Variants in GTF3C1 observed in about 807,000 individuals in gnomAD.
GTF3C1 encodes general transcription factor 3C polypeptide 1.
In GTF3C1, 57 loss-of-function variants were observed where a neutral mutation model predicts 226.7. The ratio of observed to expected loss-of-function variants is 0.25; its 90% CI spans 0.20 to 0.31. GTF3C1 has a LOEUF of 0.31. Among genes scored for constraint, GTF3C1 ranks in the 10% least tolerant of loss-of-function variants. The pLI, the probability that GTF3C1 is intolerant of heterozygous loss-of-function variation, is 1.00. For synonymous variants in GTF3C1, 1,090 were observed against 1,084.8 expected, an observed-to-expected ratio of 1.00 and a Z score of -0.09; for missense variants, 2,217 against 2,776.1, an observed-to-expected ratio of 0.80 and a Z score of 4.53.
intron 6 of GTF3C1, among the ~76,000 whole-genome samples, chr16:27,515,940 C>T (rs1478967713): frequency 6.6e-6 from 1 of 152,218 alleles, no homozygotes; most frequent in Admixed American, 6.5e-5. Context: ...AGCTCCATTT[C>T]ACAGATGCGG....
At chr16:27,546,923 C>T (rs2089172693) in intron 1 of GTF3C1, among the ~76,000 whole-genome samples, 1 of 152,232 alleles carries the variant, frequency 6.6e-6, no homozygotes, top group Non-Finnish European at 1.5e-5. Flanking sequence ...CCTGCCACCA[C>T]ACCCAGCTAA....
intron 6 of GTF3C1, among the ~76,000 whole-genome samples, chr16:27,523,582 A>G (rs17788742): frequency 0.016 from 2,443 of 152,250 alleles, 32 homozygotes; most frequent in Non-Finnish European, 0.022. Context: ...CACGGAAAGT[A>G]ACTGAAGCGG....
Position 27,463,627 on chromosome 16 carries a change from A to C in GTF3C1, c.5873-35T>G. 1.5e-6 allele frequency: 2 copies of C among 1,324,750 alleles called. No individual in the cohort carries two copies. Among genetic ancestry groups the C allele is most frequent in the Admixed American group, 3.4e-5 (2 of 59,598 alleles). The allele number at this position is 1,324,750 out of a possible 1,614,324, so 82.1% of individuals were successfully genotyped here. Reference sequence around the variant, plus strand: ...GAGGAAGAGAATGTGAGAGACTCGGAAAGTCAGGGAAGCCATCTCTGCCCT... The same window carrying C: ...GAGGAAGAGAATGTGAGAGACTCGGCAAGTCAGGGAAGCCATCTCTGCCCT... On this transcript the variant is annotated intron_variant, in intron 34 of 36. Coordinates refer to ENST00000356183, the MANE Select transcript of GTF3C1 (RefSeq NM_001520.4). This position sits in a 1 kb window ranked among gnomAD's most constrained non-coding sequence, Gnocchi z 4.9.
rs776399746 is a variant in GTF3C1 at position 27,501,393 on chromosome 16, G to T, written c.1908-49C>A. On this transcript the variant is annotated intron_variant, in intron 11 of 36. Coordinates refer to ENST00000356183, the MANE Select transcript of GTF3C1 (RefSeq NM_001520.4). Reference sequence around the variant, plus strand: ...TAACACTCCCAATCTCAACATGGAAGGCCTTCCTCAACCCAGGCAACACAG... The same window carrying T: ...TAACACTCCCAATCTCAACATGGAATGCCTTCCTCAACCCAGGCAACACAG... 2.6e-6 allele frequency: 4 copies of T among 1,567,572 alleles called. No individual in the cohort carries two copies. In the South Asian group the frequency reaches 4.5e-5, roughly 17 times the overall value.
At chr16:27,536,945 A>G (rs2089009868) in intron 4 of GTF3C1, among the ~76,000 whole-genome samples, 1 of 152,206 alleles carries the variant, frequency 6.6e-6, no homozygotes, top group Admixed American at 6.5e-5. Flanking sequence ...AGGTCACCCC[A>G]ATGGCAAGGA....
intron 6 of GTF3C1, 29 bp downstream of exon 6, chr16:27,528,569 A>C: frequency 6.3e-7 from 1 of 1,585,860 alleles, no homozygotes. Context: ...CAGCCAGCCA[A>C]GGGAACAGAA....
intron 28 of GTF3C1, among the ~76,000 whole-genome samples, chr16:27,477,408 G>A (rs2087966850): frequency 1.3e-5 from 2 of 152,016 alleles, no homozygotes; most frequent in African/African-American, 4.8e-5. Context: ...CCAGGATCAA[G>A]CGATTCTCCT....
chr16:27,469,929 C>T lies in GTF3C1; in HGVS notation c.4814+179G>A, dbSNP rs62029076. ...TGCGTCCTTCTCTTTGGCTGATTCCCATAACACCTGGGAGGCACCAGCAGA... is the reference window on the plus strand; with the variant it reads ...TGCGTCCTTCTCTTTGGCTGATTCCTATAACACCTGGGAGGCACCAGCAGA... On this transcript the variant is annotated intron_variant, in intron 31 of 36. Coordinates refer to ENST00000356183, the MANE Select transcript of GTF3C1 (RefSeq NM_001520.4). This position sits in a 1 kb window ranked among gnomAD's most constrained non-coding sequence, Gnocchi z 4.5. 0.08 allele frequency among the ~76,000 whole-genome samples: 12,240 copies of T among 152,114 alleles called. 605 individuals carry two copies. Among genetic ancestry groups the T allele is most frequent in the African/African-American group, 0.099 (4,122 of 41,478 alleles).
intron 4 of GTF3C1, among the ~76,000 whole-genome samples, chr16:27,537,287 T>A (rs2089014831): frequency 6.6e-6 from 1 of 152,356 alleles, no homozygotes; most frequent in Middle Eastern, 3.4e-3. Context: ...AGCTACAGAT[T>A]TATTTTTCCT....
At position 27,464,450 on chromosome 16, in the gene GTF3C1, T is replaced by A; in HGVS notation, c.5742A>T (p.Pro1914=). 1.3e-6 allele frequency: 2 copies of A among 1,599,682 alleles called. No individual in the cohort carries two copies. Among genetic ancestry groups the A allele is most frequent in the South Asian group, 2.3e-5 (2 of 88,806 alleles). Residue 1914 remains proline, a synonymous_variant, in exon 34 of 37, where the codon CCA becomes CCT. Coordinates refer to ENST00000356183, the MANE Select transcript of GTF3C1 (RefSeq NM_001520.4). ...GAEAQAPSPP[P]ALEDTAAAGA... is the part of the protein sequence containing the mutation. ...CCGCTGCAGCGGTGTCTTCAAGAGC[T>A]GGGGGTGGAGATGGGGCCTGGGCTT...
At chr16:27,466,518 T>C (rs2087789394) in intron 32 of GTF3C1, among the ~76,000 whole-genome samples, 1 of 152,174 alleles carries the variant, frequency 6.6e-6, no homozygotes, top group African/African-American at 2.4e-5. Flanking sequence ...AACACAACAA[T>C]ATTGAAGTCA....
chr16:27,463,778 C>A lies in GTF3C1; in HGVS notation c.5873-186G>T. Reference sequence around the variant, plus strand: ...CCTGGAGGTGGCAGGGCCGGGCAGACTGCCGCACACAGCGCCACATGCAAG... The same window carrying A: ...CCTGGAGGTGGCAGGGCCGGGCAGAATGCCGCACACAGCGCCACATGCAAG... On this transcript the variant is annotated intron_variant, in intron 34 of 36. Transcript: ENST00000356183. This position sits in a 1 kb window ranked among gnomAD's most constrained non-coding sequence, Gnocchi z 4.9. 1 of 628,160 alleles carries A rather than the reference C, an allele frequency of 1.6e-6. No individual in the cohort carries two copies. Among genetic ancestry groups the A allele is most frequent in the South Asian group, 1.8e-5 (1 of 55,572 alleles). 38.9% of individuals were successfully genotyped at this position (628,160 alleles called of 1,614,324 possible).
Position 27,507,142 on chromosome 16 carries a change from G to A in GTF3C1, c.1257C>T (p.Asp419=), listed in dbSNP as rs764352886. 5.4e-5 allele frequency: 86 copies of A among 1,606,162 alleles called. No homozygotes were observed. Among genetic ancestry groups the A allele is most frequent in the Non-Finnish European group, 6.6e-5 (78 of 1,175,188 alleles). Residue 419 remains aspartate, a synonymous_variant, in exon 9 of 37, where the codon GAC becomes GAT. Coordinates refer to ENST00000356183, the MANE Select transcript of GTF3C1 (RefSeq NM_001520.4). This position sits in a 1 kb window ranked among gnomAD's most constrained non-coding sequence, Gnocchi z 4.9. ...ACTTGGTGGTTCGCTGCCGACCTTCGTCTTCCATGAATCCCTAGAGGGAAT... is the reference window on the plus strand; with the variant it reads ...ACTTGGTGGTTCGCTGCCGACCTTCATCTTCCATGAATCCCTAGAGGGAAT... ...RFKVVKGFME[D]EGRQRTTKYI...
intron 6 of GTF3C1, among the ~76,000 whole-genome samples, chr16:27,519,031 G>A (rs1189116682): frequency 6.6e-6 from 1 of 152,202 alleles, no homozygotes; most frequent in Non-Finnish European, 1.5e-5. Flanking sequence ...AACACCCTCA[G>A]GACCCCGCTT....
chr16:27,462,722 T>A lies in GTF3C1; in HGVS notation c.5925-236A>T. 2.0e-6 allele frequency: 1 copy of A among 499,712 alleles called. No homozygotes were observed. The highest frequency in any genetic ancestry group is 3.6e-6 in the Non-Finnish European group (1 of 276,574). 31.0% of individuals were successfully genotyped at this position (499,712 alleles called of 1,614,324 possible). On this transcript the variant is annotated intron_variant, in intron 35 of 36. Coordinates refer to ENST00000356183, the MANE Select transcript of GTF3C1 (RefSeq NM_001520.4). The surrounding 1 kb of genome is among the most constrained non-coding windows in gnomAD (Gnocchi z 4.5). Reference sequence around the variant, plus strand: ...GTGTCCGCTCTGATGTAGCTGTAACTGAGGCCTCAGTGGGCCCACCCACAT... The same window carrying A: ...GTGTCCGCTCTGATGTAGCTGTAACAGAGGCCTCAGTGGGCCCACCCACAT...
At chr16:27,483,540 T>C (rs1168295803) in intron 25 of GTF3C1, 2 of 455,186 alleles carry the variant, frequency 4.4e-6, no homozygotes, top group East Asian at 1.4e-4. Flanking sequence ...TCCACTAACC[T>C]TCACATCTCC....
At chr16:27,524,681 T>G (rs918384382) in intron 6 of GTF3C1, among the ~76,000 whole-genome samples, 1 of 152,232 alleles carries the variant, frequency 6.6e-6, no homozygotes, top group Non-Finnish European at 1.5e-5. Flanking sequence ...TACAGTTGCC[T>G]GTCTAGCAAA....
intron 4 of GTF3C1, among the ~76,000 whole-genome samples, chr16:27,537,478 T>C (rs949867713): frequency 1.3e-5 from 2 of 152,210 alleles, no homozygotes; most frequent in Non-Finnish European, 2.9e-5. Flanking sequence ...AGTGCAGTCA[T>C]GGCTCACTGC....
intron 28 of GTF3C1, 27 bp from the exon 29 acceptor site, chr16:27,476,571 C>T: frequency 7.7e-7 from 1 of 1,294,624 alleles, no homozygotes; most frequent in Non-Finnish European, 1.1e-6. Context: ...AGCAGGGCAC[C>T]ATGAGACCAC....
Sources: gnomAD v4.1 joint callset for allele counts (sites outside exome capture counted in the v4.1 genomes callset) on GRCh38, gnomAD v4.1.1 for gene constraint, Gnocchi (gnomAD v3.1) non-coding constraint, MANE v1.5 for transcripts, NCBI Gene and HGNC (gene_info 2026-07-23, HGNC 2026-07-21) for gene names.